TMEM50A: variants seen among roughly 807,000 people sequenced by gnomAD.
TMEM50A encodes the protein transmembrane protein 50A.
Under a neutral mutation model 23.9 loss-of-function variants are expected in TMEM50A, and 8 were observed. The observed-to-expected ratio is 0.33, with a 90% confidence interval of 0.20 to 0.60. The LOEUF (loss-of-function observed/expected upper bound fraction) is 0.60. Ranked by LOEUF, TMEM50A falls within the 20% of genes least tolerant of loss-of-function variation. The pLI, the probability that TMEM50A is intolerant of heterozygous loss-of-function variation, is 0.81. For missense variants in TMEM50A, 178 were observed against 192.7 expected, an observed-to-expected ratio of 0.92 and a Z score of 0.45; for synonymous variants, 55 against 60.4, an observed-to-expected ratio of 0.91 and a Z score of 0.41.
At chr1:25,344,339 C>T (rs3093596) in intron 3 of TMEM50A, among the ~76,000 whole-genome samples, 13 of 152,104 alleles carry the variant, frequency 8.5e-5, no homozygotes, top group African/African-American at 3.1e-4. Context: ...AGGAGCATTC[C>T]TGTTGAAAAA....
At position 25,340,519 on chromosome 1, in the gene TMEM50A, A is replaced by C; in HGVS notation, c.33A>C (p.Ser11=). The C allele has an allele frequency of 6.2e-7, 1 of 1,613,942 alleles. No individual in the cohort carries two copies. Among genetic ancestry groups the C allele is most frequent in the African/African-American group, 1.3e-5 (1 of 75,058 alleles). MSGFLEGLRC[S]ECIDWGEKRN... ...GATTTCTAGAGGGCTTGAGATGCTCAGAATGCATTGACTGGGGGGAAAAGC... is the reference window on the plus strand; with the variant it reads ...GATTTCTAGAGGGCTTGAGATGCTCCGAATGCATTGACTGGGGGGAAAAGC... The change falls in exon 2 of 7, where the codon TCA becomes TCC. Residue 11 remains serine, a synonymous_variant. Transcript: ENST00000374358.
chr1:25,358,195 C>T (rs1300716199), intron 6 of TMEM50A, among the ~76,000 whole-genome samples: 7 of 152,142 alleles, frequency 4.6e-5, no homozygotes, highest in Non-Finnish European at 1.0e-4. Context: ...GACCCACCCG[C>T]CTCGGCCTCC....
At chr1:25,342,226 G>A (rs564079908) in intron 2 of TMEM50A, among the ~76,000 whole-genome samples, 1 of 152,262 alleles carries the variant, frequency 6.6e-6, no homozygotes, top group East Asian at 1.9e-4. Flanking sequence ...TCAGGGTTTG[G>A]TGTGGGGATA....
chr1:25,351,649 A>C lies in TMEM50A; in HGVS notation c.230A>C (p.Gln77Pro). The C allele has an allele frequency of 6.2e-7, 1 of 1,613,178 alleles. No individual in the cohort carries two copies. Among genetic ancestry groups the C allele is most frequent in the Non-Finnish European group, 8.5e-7 (1 of 1,179,764 alleles). The change falls in exon 4 of 7, where the codon CAA becomes CCA. Residue 77 changes from glutamine to proline, a missense_variant. By Grantham distance (76) the Gln-to-Pro change is moderately conservative. Coordinates refer to ENST00000374358, the MANE Select transcript of TMEM50A (RefSeq NM_014313.4). ...AGGATTAATGCAGTATCGAATGGAC[A>C]AGTCCGAGGTGATAGTTACAGTGAA... Reference protein sequence around the residue: ...FLMINAVSNGQVRGDSYSEGC... With the variant: ...FLMINAVSNGPVRGDSYSEGC...
chr1:25,345,476 A>T (rs1373484144), intron 3 of TMEM50A, among the ~76,000 whole-genome samples: 1 of 152,174 alleles, frequency 6.6e-6, no homozygotes, highest in East Asian at 1.9e-4. Context: ...GCTACTCGGG[A>T]GGCTGAGGCA....
At chr1:25,356,734 T>A in intron 5 of TMEM50A, 59 bp from the exon 6 acceptor site, 2 of 1,268,054 alleles carry the variant, frequency 1.6e-6, no homozygotes, top group South Asian at 1.4e-5. Flanking sequence ...TTTGCCAATA[T>A]ATCTGAAACT....
chr1:25,357,609 A>AGTGTGTGTGTGTGTGTGTGTGTGT (rs60773283), intron 6 of TMEM50A, among the ~76,000 whole-genome samples: 1 of 111,462 alleles, frequency 9.0e-6, no homozygotes, highest in Non-Finnish European at 1.9e-5. Flanking sequence ...TCTCTCACCC[A>AGTGTGTGTGTGTGTGTGTGTGTGT]GTGTGTGTGT....
At chr1:25,349,682 C>T (rs1557586247) in intron 3 of TMEM50A, among the ~76,000 whole-genome samples, 1 of 152,074 alleles carries the variant, frequency 6.6e-6, no homozygotes, top group Admixed American at 6.5e-5. Context: ...CTCAAAGTCC[C>T]GGGCTTAAGC....
At chr1:25,360,520 G>A in intron 6 of TMEM50A, 140 bp from the exon 7 acceptor site, 2 of 817,228 alleles carry the variant, frequency 2.4e-6, no homozygotes, top group Admixed American at 4.5e-5. Flanking sequence ...ATCAGTTTCT[G>A]TTTTGATACA....
intron 3 of TMEM50A, among the ~76,000 whole-genome samples, chr1:25,344,165 A>G (rs1232065570): frequency 6.6e-6 from 1 of 152,148 alleles, no homozygotes; most frequent in East Asian, 1.9e-4. Context: ...GAGCCTGGGA[A>G]GTCAAGTCGA....
At chr1:25,360,525 G>T in intron 6 of TMEM50A, 135 bp from the exon 7 acceptor site, 1 of 856,340 alleles carries the variant, frequency 1.2e-6, no homozygotes. Context: ...TTTCTGTTTT[G>T]ATACATTTCG....
chr1:25,346,252 T>C (rs143392825), intron 3 of TMEM50A, among the ~76,000 whole-genome samples: 2 of 152,272 alleles, frequency 1.3e-5, no homozygotes, highest in Non-Finnish European at 2.9e-5. Context: ...GCCTTTCTTT[T>C]TTTTCTTTTC....
intron 6 of TMEM50A, among the ~76,000 whole-genome samples, chr1:25,357,874 T>C (rs1645352294): frequency 6.6e-6 from 1 of 151,616 alleles, no homozygotes; most frequent in South Asian, 2.1e-4. Context: ...CCTGATCTCG[T>C]GATCTGCCTG....
At chr1:25,343,848 G>A (rs1645188605) in intron 3 of TMEM50A, among the ~76,000 whole-genome samples, 1 of 152,206 alleles carries the variant, frequency 6.6e-6, no homozygotes, top group Admixed American at 6.5e-5. Flanking sequence ...ACGGCAAGGA[G>A]ACCAGTATAA....
chr1:25,340,212 G>C (rs902588439), intron 1 of TMEM50A, among the ~76,000 whole-genome samples: 1 of 151,928 alleles, frequency 6.6e-6, no homozygotes, highest in Non-Finnish European at 1.5e-5. Flanking sequence ...GTAGGATTAC[G>C]GGCATGAACC....
At position 25,362,200 on chromosome 1, in the gene TMEM50A, T is replaced by A; in HGVS notation, c.*1495T>A. 2 of 503,482 alleles carry A rather than the reference T, an allele frequency of 4.0e-6. No homozygotes were observed. The highest frequency in any genetic ancestry group is 4.5e-5 in the South Asian group (2 of 44,926). The allele number at this position is 503,482 out of a possible 1,614,324, so 31.2% of individuals were successfully genotyped here. A position where few individuals can be genotyped will look rare whatever the true frequency, so the allele number is the denominator to read the frequency against. ...TTTGCTGATGTAGACAAGAGTTAAC[T>A]GAGTAGCATGCTTTATTAAGCATGA... On this transcript the variant is annotated 3_prime_UTR_variant, in exon 7 of 7. Transcript: ENST00000374358.
In TMEM50A at chr1:25,340,547, A is replaced by C. The variant is rs1298137308; in HGVS notation, c.61A>C (p.Asn21His). 3 of 1,613,788 alleles carry C rather than the reference A, an allele frequency of 1.9e-6. No individual in the cohort carries two copies. Among genetic ancestry groups the C allele is most frequent in the African/African-American group, 1.3e-5 (1 of 74,932 alleles). Residue 21 changes from asparagine (N) to histidine (H), a missense_variant, in exon 2 of 7, where the codon AAT (asparagine) becomes CAT (histidine). Transcript: ENST00000374358. ...ATGCATTGACTGGGGGGAAAAGCGCAATACTATTGCTTCCATTGCTGCTGG... is the reference window on the plus strand; with the variant it reads ...ATGCATTGACTGGGGGGAAAAGCGCCATACTATTGCTTCCATTGCTGCTGG... ...SECIDWGEKR[N>H]TIASIAAGVL...
In TMEM50A at chr1:25,362,069, T is replaced by C. The variant is rs1645415218; in HGVS notation, c.*1364T>C. ...TTTCCCCACAGTGCAATTCAGAATA[T>C]GCTCAGGGAATGCCAGCCACCTTGT... On this transcript the variant is annotated 3_prime_UTR_variant, in exon 7 of 7. Coordinates refer to ENST00000374358, the MANE Select transcript of TMEM50A (RefSeq NM_014313.4). The C allele has an allele frequency of 3.0e-5, 9 of 299,002 alleles. No individual in the cohort carries two copies. Among genetic ancestry groups the C allele is most frequent in the South Asian group, 2.9e-4 (9 of 31,028 alleles). 18.5% of individuals were successfully genotyped at this position (299,002 alleles called of 1,614,324 possible).
At chr1:25,341,513 T>G (rs555718880) in intron 2 of TMEM50A, among the ~76,000 whole-genome samples, 1 of 152,148 alleles carries the variant, frequency 6.6e-6, no homozygotes, top group South Asian at 2.1e-4. Context: ...TGCAAAGTGC[T>G]GGAATTACAG....
Sources: allele counts gnomAD v4.1 joint callset (sites outside exome capture counted in the v4.1 genomes callset), GRCh38; gene constraint gnomAD v4.1.1; transcripts MANE v1.5; gene names NCBI Gene and HGNC (gene_info 2026-07-23, HGNC 2026-07-21).